PTPRQ: variants seen among roughly 807,000 people sequenced by gnomAD.
The protein encoded by PTPRQ is phosphatidylinositol phosphatase PTPRQ.
A neutral mutation model predicts 246.0 loss-of-function variants in PTPRQ; 199 were observed. That is an observed-to-expected ratio of 0.81 (90% CI 0.72 to 0.91). The LOEUF is 0.91. Ranked by LOEUF, PTPRQ falls within the 40% of genes least tolerant of loss-of-function variation. The pLI, the probability that PTPRQ is intolerant of heterozygous loss-of-function variation, is 0.00. For synonymous variants in PTPRQ, 869 were observed against 853.2 expected (o/e 1.02, Z -0.32); for missense variants, 2,624 against 2,528.4 (o/e 1.04, Z -0.81).
chr12:80,604,779 A>G (rs1052872856), intron 26 of PTPRQ, among the ~76,000 whole-genome samples: 1 of 151,486 alleles, frequency 6.6e-6, no homozygotes, highest in African/African-American at 2.4e-5. Context: ...TAGCAATAGT[A>G]ATGCTTTCCT....
In PTPRQ at chr12:80,679,141, C is replaced by A; in HGVS notation, c.*118C>A. The A allele has an allele frequency of 8.0e-7, 1 of 1,248,890 alleles. No homozygotes were observed. Among genetic ancestry groups the A allele is most frequent in the Non-Finnish European group, 1.1e-6 (1 of 936,542 alleles). The allele number at this position is 1,248,890 out of a possible 1,614,324, so 77.4% of individuals were successfully genotyped here. A position where few individuals can be genotyped will look rare whatever the true frequency, so the allele number is the denominator to read the frequency against. ...TAAAGAAATATCTATGCTTCTCTCACTGTGCCTTTCCAAACGGATTGAACA... is the reference window on the plus strand; with the variant it reads ...TAAAGAAATATCTATGCTTCTCTCAATGTGCCTTTCCAAACGGATTGAACA... On this transcript the variant is annotated 3_prime_UTR_variant, in exon 45 of 45. Coordinates refer to ENST00000644991, the MANE Select transcript of PTPRQ (RefSeq NM_001145026.2).
intron 17 of PTPRQ, among the ~76,000 whole-genome samples, chr12:80,521,711 C>T (rs1172155063): frequency 1.3e-5 from 2 of 152,192 alleles, no homozygotes; most frequent in East Asian, 3.9e-4. Context: ...TGTTCTGTTC[C>T]ATTGATCTAT....
At chr12:80,594,712 C>G (rs572629441) in intron 26 of PTPRQ, among the ~76,000 whole-genome samples, 1 of 152,234 alleles carries the variant, frequency 6.6e-6, no homozygotes, top group African/African-American at 2.4e-5. Context: ...TACCTACTCT[C>G]ATCCCCCACG....
At chr12:80,552,644 A>T (rs1477514270) in intron 25 of PTPRQ, among the ~76,000 whole-genome samples, 159 of 13,480 alleles carry the variant, frequency 0.012, no homozygotes, top group East Asian at 0.035. Context: ...AAAAAAAAAA[A>T]TTATATATAT....
chr12:80,477,504 C>T (rs1264111210), intron 8 of PTPRQ, among the ~76,000 whole-genome samples: 1 of 152,110 alleles, frequency 6.6e-6, no homozygotes, highest in East Asian at 1.9e-4. Context: ...ACTTACATTT[C>T]GAGAACAATG....
At chr12:80,616,121 A>G in intron 29 of PTPRQ, 79 bp from the exon 30 acceptor site, 1 of 928,340 alleles carries the variant, frequency 1.1e-6, no homozygotes, top group African/African-American at 1.8e-5. Flanking sequence ...ACATATATAG[A>G]TACATGCATA....
At chr12:80,647,159 G>A (rs1376026796) in intron 35 of PTPRQ, among the ~76,000 whole-genome samples, 2 of 152,112 alleles carry the variant, frequency 1.3e-5, no homozygotes, top group African/African-American at 2.4e-5. Flanking sequence ...TCTCTGCGAT[G>A]GGTGGCAGTC....
intron 14 of PTPRQ, among the ~76,000 whole-genome samples, chr12:80,503,649 A>C (rs1481907485): frequency 6.6e-6 from 1 of 151,794 alleles, no homozygotes; most frequent in East Asian, 1.9e-4. Context: ...TTACCTATTT[A>C]GTTTATATTG....
chr12:80,515,533 G>A (rs1895266850), intron 17 of PTPRQ, among the ~76,000 whole-genome samples: 1 of 151,356 alleles, frequency 6.6e-6, no homozygotes, highest in Non-Finnish European at 1.5e-5. Flanking sequence ...TGATTCTCCT[G>A]CCTCAGCCTC....
intron 36 of PTPRQ, 50 bp downstream of exon 36, chr12:80,648,973 T>C: frequency 1.4e-6 from 2 of 1,478,184 alleles, no homozygotes; most frequent in Non-Finnish European, 1.8e-6. Context: ...CAAAGTTAGA[T>C]GCACTGACTC....
chr12:80,625,015 G>A (rs540987901), intron 33 of PTPRQ, among the ~76,000 whole-genome samples: 3 of 152,088 alleles, frequency 2.0e-5, no homozygotes, highest in African/African-American at 7.2e-5. Flanking sequence ...GGACAAGCTC[G>A]CCACAGATTC....
intron 25 of PTPRQ, among the ~76,000 whole-genome samples, chr12:80,573,735 C>G (rs1009962589): frequency 6.6e-6 from 1 of 152,108 alleles, no homozygotes; most frequent in Non-Finnish European, 1.5e-5. Flanking sequence ...ATTGTGTTTA[C>G]TTTCTTTTTA....
intron 3 of PTPRQ, among the ~76,000 whole-genome samples, chr12:80,448,144 G>T (rs12811965): frequency 0.081 from 12,197 of 151,468 alleles, 583 homozygotes; most frequent in East Asian, 0.21. Flanking sequence ...TATTTTTTTT[G>T]TGGCTATCGT....
intron 17 of PTPRQ, among the ~76,000 whole-genome samples, chr12:80,526,224 C>T (rs1277727624): frequency 2.6e-5 from 4 of 152,132 alleles, no homozygotes; most frequent in Non-Finnish European, 4.4e-5. Context: ...TTGGCCATCT[C>T]AGAGAAGCAG....
intron 7 of PTPRQ, among the ~76,000 whole-genome samples, chr12:80,471,038 C>T (rs1893607637): frequency 6.6e-6 from 1 of 152,252 alleles, no homozygotes; most frequent in East Asian, 1.9e-4. Context: ...TAGCCTTGAA[C>T]CAAAGCTAGA....
In PTPRQ at chr12:80,542,243, T is replaced by C; in HGVS notation, c.3600T>C (p.Ser1200=). 2 of 1,550,886 alleles carry C rather than the reference T, an allele frequency of 1.3e-6. No homozygotes were observed. Among genetic ancestry groups the C allele is most frequent in the Non-Finnish European group, 1.7e-6 (2 of 1,146,444 alleles). Residue 1200 remains serine (S), a synonymous_variant, in exon 22 of 45, where the codon TCT becomes TCC. Transcript: ENST00000644991. The part of the protein sequence containing the change: ...GPNENYSFIT[S]DNYIILEELS... ...ATGAAAATTATTCTTTCATTACTTC[T>C]GATAATTACATAATATTGGAAGAGC...
chr12:80,594,470 T>G (rs1328466187), intron 26 of PTPRQ, among the ~76,000 whole-genome samples: 1 of 152,116 alleles, frequency 6.6e-6, no homozygotes, highest in Non-Finnish European at 1.5e-5. Flanking sequence ...TCTTCTAAAT[T>G]AGTTACACAG....
At chr12:80,450,636 C>T (rs1892728980) in intron 3 of PTPRQ, among the ~76,000 whole-genome samples, 2 of 152,020 alleles carry the variant, frequency 1.3e-5, no homozygotes, top group South Asian at 4.2e-4. Flanking sequence ...TTGAGATAAT[C>T]ATGCGGTTTT....
In PTPRQ at chr12:80,496,340, G is replaced by A. The variant is rs1486103613; in HGVS notation, c.2081G>A (p.Gly694Glu). Residue 694 changes from glycine (G) to glutamate (E), a missense_variant, in exon 14 of 45, where the codon GGG becomes GAG. Transcript: ENST00000644991. ...TGGTCACCACCCGAAAAGCCCAATGGGATCATTATTGCTTATGAAGTGCTA... is the reference window on the plus strand; with the variant it reads ...TGGTCACCACCCGAAAAGCCCAATGAGATCATTATTGCTTATGAAGTGCTA... ...LKWSPPEKPN[G>E]IIIAYEVLYK... The A allele has an allele frequency of 6.4e-7, 1 of 1,550,602 alleles. No individual in the cohort carries two copies. Among genetic ancestry groups the A allele is most frequent in the Admixed American group, 2.0e-5 (1 of 50,922 alleles).
Sources: allele counts gnomAD v4.1 joint callset (sites outside exome capture counted in the v4.1 genomes callset), GRCh38; gene constraint gnomAD v4.1.1; transcripts MANE v1.5; gene names NCBI Gene and HGNC (gene_info 2026-07-23, HGNC 2026-07-21).